The following POU2F3 variants were observed in gnomAD, a reference collection of about 807,000 sequenced individuals.
POU2F3 encodes the protein POU domain, class 2, transcription factor 3.
Under a neutral mutation model 59.2 loss-of-function variants are expected in POU2F3, and 23 were observed. That is an observed-to-expected ratio of 0.39 (90% CI 0.28 to 0.55). POU2F3 has a LOEUF of 0.55. Ranked by LOEUF, POU2F3 falls within the 20% of genes least tolerant of loss-of-function variation. POU2F3 has a pLI of 0.66. For missense variants in POU2F3, 473 were observed against 544.5 expected, an observed-to-expected ratio of 0.87 and a Z score of 1.31; for synonymous variants, 190 against 214.6, an observed-to-expected ratio of 0.89 and a Z score of 1.00.
rs1591451733 is a variant in POU2F3, at chr11:120,319,231, G to T, written c.*839G>T. On this transcript the variant is annotated 3_prime_UTR_variant, in exon 13 of 13. Coordinates refer to ENST00000543440, the MANE Select transcript of POU2F3 (RefSeq NM_014352.4). ...AACACACAACAATGATGGTGGCAAAGTACCTGTATATAGCCCTTTCCCATT... is the reference window on the plus strand; with the variant it reads ...AACACACAACAATGATGGTGGCAAATTACCTGTATATAGCCCTTTCCCATT... 6.6e-6 allele frequency: 1 copy of T among 152,526 alleles called. No individual in the cohort carries two copies. The highest frequency in any genetic ancestry group is 6.5e-5 in the Admixed American group (1 of 15,270). The allele number at this position is 152,526 out of a possible 1,614,324, so 9.4% of individuals were successfully genotyped here.
chr11:120,236,741 A>G (rs752258445), upstream of POU2F3: 97 of 1,444,656 alleles, frequency 6.7e-5, no homozygotes, highest in Admixed American at 7.9e-5. Context: ...ATTCTAGCTC[A>G]TCTAACTGAA....
intron 5 of POU2F3, chr11:120,300,919 A>G (rs1941331046): frequency 2.5e-6 from 1 of 400,802 alleles, no homozygotes; most frequent in South Asian, 1.9e-5. Context: ...TTTCCAAGGC[A>G]CCTCAGAATA....
chr11:120,258,517 C>T (rs1180026170), intron 2 of POU2F3, among the ~76,000 whole-genome samples: 1 of 152,086 alleles, frequency 6.6e-6, no homozygotes, highest in African/African-American at 2.4e-5. Flanking sequence ...AGCAAGGAGT[C>T]TCTGGTTCCT....
chr11:120,279,947 G>A (rs559449752), intron 3 of POU2F3, among the ~76,000 whole-genome samples: 10 of 152,338 alleles, frequency 6.6e-5, no homozygotes, highest in East Asian at 3.9e-4. Context: ...AGCGGAGACC[G>A]AATGCTCGTC....
rs1309917905 is a variant in POU2F3, at chr11:120,305,079, A to G, written c.494A>G (p.Glu165Gly). ...LPGSSLEPHL[E>G]ASQHLPVPKH... The stretch of plus-strand genomic sequence containing the variant: ...GGATCCTCTTTAGAACCCCACCTGG[A>G]AGCATCCCAGCATCTCCCAGTGCCC... Residue 165 changes from glutamate to glycine, a missense_variant, in exon 7 of 13, where the codon GAA (glutamate) becomes GGA (glycine). By Grantham distance (98) the Glu-to-Gly change is moderately conservative. Transcript: ENST00000543440. The G allele has an allele frequency of 1.2e-6, 2 of 1,613,824 alleles. No homozygotes were observed. The highest frequency in any genetic ancestry group is 2.2e-5 in the East Asian group (1 of 44,874).
At chr11:120,242,488 G>A (rs777065286) in intron 1 of POU2F3, among the ~76,000 whole-genome samples, 8 of 152,164 alleles carry the variant, frequency 5.3e-5, no homozygotes, top group Non-Finnish European at 2.9e-5. Flanking sequence ...CCCCGCCAAG[G>A]TAATCCTGTA....
intron 3 of POU2F3, among the ~76,000 whole-genome samples, chr11:120,284,909 T>C (rs554824507): frequency 6.6e-6 from 1 of 152,270 alleles, no homozygotes; most frequent in African/African-American, 2.4e-5. Flanking sequence ...TCTTCCTCCT[T>C]TTAATCCTGT....
At position 120,246,486 on chromosome 11, in the gene POU2F3, T is replaced by C; in HGVS notation, c.66T>C (p.Asp22=). Residue 22 remains aspartate, a synonymous_variant, in exon 2 of 13, where the codon GAT becomes GAC. Coordinates refer to ENST00000543440, the MANE Select transcript of POU2F3 (RefSeq NM_014352.4). ...GTGGGGATGTAGCCGATTCCACGGA[T>C]GCTCGCAGCACTCTCAGCCAGGTGG... ...KMSGDVADST[D]ARSTLSQVEP... 1.2e-6 allele frequency: 2 copies of C among 1,613,628 alleles called. No individual in the cohort carries two copies. Among genetic ancestry groups the C allele is most frequent in the African/African-American group, 1.3e-5 (1 of 74,862 alleles).
At chr11:120,238,801 G>A (rs187642617), upstream of POU2F3, among the ~76,000 whole-genome samples, 404 of 121,538 alleles carry the variant, frequency 3.3e-3, 1 homozygote, top group African/African-American at 0.012. Flanking sequence ...CTGCACTCCA[G>A]CCTGGCAACA....
chr11:120,287,461 T>A (rs1940823679), intron 3 of POU2F3, among the ~76,000 whole-genome samples: 1 of 152,150 alleles, frequency 6.6e-6, no homozygotes, highest in Admixed American at 6.5e-5. Flanking sequence ...GTGACAGAAA[T>A]AAGGAAAGCC....
rs115948394 is a variant in POU2F3 at position 120,306,255 on chromosome 11, A to T, written c.769+470A>T. 6.7e-3 allele frequency among the ~76,000 whole-genome samples: 1,024 copies of T among 152,204 alleles called. 10 individuals carry two copies. The highest frequency in any genetic ancestry group is 0.023 in the African/African-American group (959 of 41,546). ...TTGAGGAGGTTTTCAGCAGACAGGG[A>T]CTTACTGCAACCCATGCTGGTCAGG... On this transcript the variant is annotated intron_variant, in intron 8 of 12. Transcript: ENST00000543440.
intron 10 of POU2F3, 54 bp from the exon 11 acceptor site, chr11:120,315,307 G>A (rs1437942015): frequency 6.7e-7 from 1 of 1,501,864 alleles, no homozygotes; most frequent in Non-Finnish European, 9.3e-7. Context: ...AGAGTGATCT[G>A]AAGTTGGAGA....
intron 3 of POU2F3, among the ~76,000 whole-genome samples, chr11:120,273,288 G>A (rs982539604): frequency 6.6e-6 from 1 of 152,212 alleles, no homozygotes; most frequent in Non-Finnish European, 1.5e-5. Context: ...ATAGAGAGGT[G>A]TCTGTTGTAA....
intron 2 of POU2F3, among the ~76,000 whole-genome samples, chr11:120,252,933 A>C (rs1038709265): frequency 7.2e-5 from 11 of 152,144 alleles, no homozygotes; most frequent in East Asian, 3.9e-4. Context: ...TGCAGCCCCC[A>C]GTAGAACTTG....
chr11:120,292,660 A>T (rs548330880), intron 3 of POU2F3, among the ~76,000 whole-genome samples: 32 of 152,358 alleles, frequency 2.1e-4, no homozygotes, highest in African/African-American at 6.7e-4. Context: ...ATGCTGGCTC[A>T]GAGGGGATGA....
intron 5 of POU2F3, among the ~76,000 whole-genome samples, chr11:120,300,477 G>A (rs1402432041): frequency 6.6e-6 from 1 of 152,082 alleles, no homozygotes; most frequent in Non-Finnish European, 1.5e-5. Context: ...AAGTGATGGA[G>A]GGTTGGCCAG....
intron 3 of POU2F3, among the ~76,000 whole-genome samples, chr11:120,291,943 G>A (rs1339745172): frequency 6.6e-6 from 1 of 151,830 alleles, no homozygotes; most frequent in Non-Finnish European, 1.5e-5. Flanking sequence ...TGAGTAGCTG[G>A]GACTACAGGC....
chr11:120,264,469 G>A (rs1417477557), intron 2 of POU2F3, among the ~76,000 whole-genome samples: 4 of 152,176 alleles, frequency 2.6e-5, no homozygotes, highest in Non-Finnish European at 5.9e-5. Context: ...CTTTTAAGTT[G>A]GGTCTTGAAG....
chr11:120,280,227 T>C (rs11217782), intron 3 of POU2F3, among the ~76,000 whole-genome samples: 19,320 of 152,184 alleles, frequency 0.13, 1,608 homozygotes, highest in South Asian at 0.38. Context: ...TTATTGAACC[T>C]TCAGTTTATA....
Sources: allele counts gnomAD v4.1 joint callset (sites outside exome capture counted in the v4.1 genomes callset), GRCh38; gene constraint gnomAD v4.1.1; transcripts MANE v1.5; gene names NCBI Gene and HGNC (gene_info 2026-07-23, HGNC 2026-07-21).